The following HEPH variants were observed in gnomAD, a reference collection of about 807,000 sequenced individuals.
The protein encoded by HEPH is hephaestin.
A neutral mutation model predicts 80.8 loss-of-function variants in HEPH; 69 were observed. The observed-to-expected ratio is 0.85, with a 90% CI of 0.70 to 1.04. The LOEUF (loss-of-function observed/expected upper bound fraction) is 1.04, where lower values mean the gene tolerates loss of function less well. HEPH is among the 50% of genes least tolerant of loss of function. The pLI, the probability that HEPH is intolerant of heterozygous loss-of-function variation, is 0.00. For synonymous variants in HEPH, 431 were observed against 322.8 expected, an observed-to-expected ratio of 1.34 and a Z score of -3.60; for missense variants, 1,115 against 891.3, an observed-to-expected ratio of 1.25 and a Z score of -3.20.
At chrX:66,254,221 G>A (rs2091097736) in intron 15 of HEPH, among the ~76,000 whole-genome samples, 2 of 111,122 alleles carry the variant, frequency 1.8e-5, no homozygotes, top group South Asian at 7.6e-4. Flanking sequence ...AAGAAAACAA[G>A]GGTCCAAACT....
intron 15 of HEPH, among the ~76,000 whole-genome samples, chrX:66,209,813 G>T (rs1172635134): frequency 9.0e-6 from 1 of 111,701 alleles, no homozygotes; most frequent in African/African-American, 3.3e-5. Flanking sequence ...GGTGACTTGA[G>T]ATGGAGTGGG....
At chrX:66,250,592 A>G (rs1481454441) in intron 15 of HEPH, among the ~76,000 whole-genome samples, 2 of 111,541 alleles carry the variant, frequency 1.8e-5, no homozygotes, top group East Asian at 2.8e-4. Context: ...ATATATGTAT[A>G]TATATTCTTT....
At chrX:66,204,274 T>C (rs972295307) in intron 13 of HEPH, among the ~76,000 whole-genome samples, 1 of 112,083 alleles carries the variant, frequency 8.9e-6, no homozygotes, top group Non-Finnish European at 1.9e-5. Context: ...AAAGATGTAA[T>C]CTCTAATTAG....
At chrX:66,164,666 C>T (rs944586535) in intron 1 of HEPH, among the ~76,000 whole-genome samples, 196 bp downstream of exon 1, 1 of 111,801 alleles carries the variant, frequency 8.9e-6, no homozygotes, top group African/African-American at 3.3e-5. Flanking sequence ...GCCAAAATAG[C>T]CAGGACTACA....
intron 15 of HEPH, among the ~76,000 whole-genome samples, chrX:66,237,833 T>C (rs947364669): frequency 1.8e-5 from 2 of 112,456 alleles, no homozygotes; most frequent in Non-Finnish European, 3.8e-5. Context: ...ATATTTGGGA[T>C]AGTTAGGTGC....
chrX:66,207,078 C>CTT (rs1240332210), intron 13 of HEPH, 117 bp from the exon 14 acceptor site: 41 of 443,672 alleles, frequency 9.2e-5, no homozygotes, highest in Middle Eastern at 8.1e-4. Flanking sequence ...GGTCCCCCCC[C>CTT]TTTTTTTTTT....
At chrX:66,177,318 G>A (rs2086853896) in intron 4 of HEPH, among the ~76,000 whole-genome samples, 1 of 111,775 alleles carries the variant, frequency 8.9e-6, no homozygotes, top group Admixed American at 9.5e-5. Context: ...TTCTTTGAAT[G>A]TCTGGTAGGA....
chrX:66,232,342 A>C (rs770398906), intron 15 of HEPH, among the ~76,000 whole-genome samples: 1 of 111,523 alleles, frequency 9.0e-6, no homozygotes, highest in African/African-American at 3.3e-5. Context: ...GGAATAGAAA[A>C]TTTACTCTAA....
chrX:66,202,739 CTTAT>C (rs2088527788), intron 12 of HEPH, among the ~76,000 whole-genome samples: 3 of 109,806 alleles, frequency 2.7e-5, no homozygotes, highest in Non-Finnish European at 5.7e-5. Flanking sequence ...GCTATATTTA[CTTAT>C]TTATAGCATC....
In HEPH at chrX:66,190,728, T is replaced by G. The variant is rs1325928032; in HGVS notation, c.1063+790T>G. Reference sequence around the variant, plus strand: ...ATGATATGTGAGTACTTGAAGTGGATTTTAGTAGGTTAGGAGTTGTAGACT... The same window carrying G: ...ATGATATGTGAGTACTTGAAGTGGAGTTTAGTAGGTTAGGAGTTGTAGACT... On this transcript the variant is annotated intron_variant, in intron 6 of 20. Coordinates refer to ENST00000343002, the MANE Select transcript of HEPH (RefSeq NM_001367233.3). Among the ~76,000 whole-genome samples the G allele has an allele frequency of 5.4e-4, 60 of 111,584 alleles. No homozygotes were observed. The Admixed American group carries it at 5.4e-3, about 10-fold the overall frequency.
chrX:66,263,132 T>C (rs1004489950), intron 19 of HEPH, among the ~76,000 whole-genome samples: 49 of 111,399 alleles, frequency 4.4e-4, no homozygotes, highest in Admixed American at 3.8e-3. Context: ...AGCCAAATAA[T>C]ATGAGCCTCA....
At chrX:66,195,837 T>A (rs770607557) in intron 9 of HEPH, among the ~76,000 whole-genome samples, 1 of 111,989 alleles carries the variant, frequency 8.9e-6, no homozygotes, top group African/African-American at 3.2e-5. Flanking sequence ...GATTACTGTA[T>A]CAGGAGAGAA....
intron 4 of HEPH, among the ~76,000 whole-genome samples, chrX:66,187,137 T>C (rs906787798): frequency 3.6e-5 from 4 of 111,291 alleles, no homozygotes; most frequent in African/African-American, 1.3e-4. Context: ...CCTTCACTTC[T>C]TATTTTTTTT....
In HEPH at chrX:66,266,772, G is replaced by C. The variant is rs1163210515; in HGVS notation, c.*100G>C. ...CCCCACACTCAAAGGGGCATGGGTG[G>C]TGGAGAAGCAGAAGGAGCAATCAAG... On this transcript the variant is annotated 3_prime_UTR_variant, in exon 21 of 21. Transcript: ENST00000343002. 4.0e-6 allele frequency: 2 copies of C among 499,761 alleles called. No homozygotes were observed. The highest frequency in any genetic ancestry group is 6.8e-6 in the Non-Finnish European group (2 of 296,237). The allele number at this position is 499,761 out of a possible 1,213,427, so 41.2% of individuals were successfully genotyped here. A position where few individuals can be genotyped will look rare whatever the true frequency, so the allele number is the denominator to read the frequency against.
Position 66,188,551 on chromosome X carries a change from G to T in HEPH, c.808+10G>T. 1 of 1,194,658 alleles carries T rather than the reference G, an allele frequency of 8.4e-7. No individual in the cohort carries two copies. The highest frequency in any genetic ancestry group is 1.1e-6 in the Non-Finnish European group (1 of 883,415). On this transcript the variant is annotated intron_variant, in intron 5 of 20. Coordinates refer to ENST00000343002, the MANE Select transcript of HEPH (RefSeq NM_001367233.3). ...AGCAATAGGATGCATGGTGAGTTGG[G>T]AAAAGGTGGCCACATTGTGACAGGG... is the stretch of plus-strand genomic sequence containing the variant.
At chrX:66,233,984 G>T (rs1413929310) in intron 15 of HEPH, among the ~76,000 whole-genome samples, 1 of 110,904 alleles carries the variant, frequency 9.0e-6, no homozygotes, top group Non-Finnish European at 1.9e-5. Flanking sequence ...ATGGACATTT[G>T]TTGTACAGAC....
intron 15 of HEPH, among the ~76,000 whole-genome samples, chrX:66,239,975 T>G (rs1416385801): frequency 9.0e-6 from 1 of 111,638 alleles, no homozygotes; most frequent in Non-Finnish European, 1.9e-5. Flanking sequence ...ATAAATAGAA[T>G]AATACAGTCC....
intron 15 of HEPH, among the ~76,000 whole-genome samples, chrX:66,232,240 T>C (rs1364582600): frequency 5.4e-5 from 6 of 111,289 alleles, no homozygotes; most frequent in African/African-American, 2.0e-4. Context: ...TAAAATTCTC[T>C]TTTTTGGTTG....
At position 66,211,695 on chromosome X, in the gene HEPH, T is replaced by C. The variant is rs1278556677; in HGVS notation, c.2563+3449T>C. 3.6e-5 allele frequency among the ~76,000 whole-genome samples: 4 copies of C among 112,156 alleles called. No individual in the cohort carries two copies. In the East Asian group the frequency reaches 1.1e-3, roughly 31 times the overall value. ...TTCATTCTTTTTTATGGCTGAATAG[T>C]ATTCCATTGTGTATATATACCACAT... is the stretch of plus-strand genomic sequence containing the variant. On this transcript the variant is annotated intron_variant, in intron 15 of 20. Coordinates refer to ENST00000343002, the MANE Select transcript of HEPH (RefSeq NM_001367233.3).
Sources: allele counts gnomAD v4.1 joint callset (sites outside exome capture counted in the v4.1 genomes callset), GRCh38; gene constraint gnomAD v4.1.1; transcripts MANE v1.5; gene names NCBI Gene and HGNC (gene_info 2026-07-23, HGNC 2026-07-21).